PTPRN2: variants seen among roughly 807,000 people sequenced by gnomAD.
PTPRN2 encodes receptor-type tyrosine-protein phosphatase N2.
In PTPRN2, 74 loss-of-function variants were observed where a neutral mutation model predicts 118.8. The observed-to-expected ratio is 0.62, with a 90% CI of 0.52 to 0.76. The LOEUF is 0.76. Among genes scored for constraint, PTPRN2 ranks in the 30% least tolerant of loss-of-function variants. The probability of loss-of-function intolerance (pLI) is 0.00; values close to 1 mark genes in which losing one functional copy is unlikely to be tolerated. For missense variants in PTPRN2, 1,481 were observed against 1,394.4 expected, an observed-to-expected ratio of 1.06 and a Z score of -0.99; for synonymous variants, 641 against 608.0, an observed-to-expected ratio of 1.05 and a Z score of -0.80.
intron 2 of PTPRN2, among the ~76,000 whole-genome samples, chr7:158,362,776 G>A (rs914767185): frequency 1.3e-5 from 2 of 152,210 alleles, no homozygotes; most frequent in Non-Finnish European, 2.9e-5. Context: ...GGAGAAGGAA[G>A]GCAGGGGTCT....
At chr7:158,154,759 CATAAGT>C (rs55861045) in intron 6 of PTPRN2, among the ~76,000 whole-genome samples, 94,087 of 151,680 alleles carry the variant, frequency 0.62, 30,194 homozygotes, top group East Asian at 0.79. Flanking sequence ...TAAAAAAAAT[CATAAGT>C]ATATAAGAGA....
chr7:158,055,108 T>A (rs181458083), intron 11 of PTPRN2, among the ~76,000 whole-genome samples: 1 of 152,252 alleles, frequency 6.6e-6, no homozygotes, highest in Non-Finnish European at 1.5e-5. Flanking sequence ...TATGATTATA[T>A]ATGAATATCA....
chr7:157,810,461 C>A (rs569013821), intron 12 of PTPRN2, among the ~76,000 whole-genome samples: 1 of 141,602 alleles, frequency 7.1e-6, no homozygotes, highest in South Asian at 2.3e-4. Flanking sequence ...TGGGCACAGG[C>A]TCTCCACGGG....
rs945117839 is a variant in PTPRN2, at chr7:157,583,782, T to C, written c.2497-5642A>G. On this transcript the variant is annotated intron_variant, in intron 17 of 22. Transcript: ENST00000389418. This position sits in a 1 kb window ranked among gnomAD's most constrained non-coding sequence, Gnocchi z 5.5. ...CTGTAATCCCAGCTACTCAGGAGGC[T>C]GAGGCAGGAGAACTGCTTGTGCCTG... 2.6e-5 allele frequency among the ~76,000 whole-genome samples: 4 copies of C among 152,188 alleles called. No individual in the cohort carries two copies. The highest frequency in any genetic ancestry group is 9.6e-5 in the African/African-American group (4 of 41,512).
At chr7:157,621,251 C>CCCT in intron 15 of PTPRN2, 111 bp downstream of exon 15, 1 of 1,427,430 alleles carries the variant, frequency 7.0e-7, no homozygotes, top group Non-Finnish European at 9.4e-7. Context: ...CGGCCAGTTT[C>CCCT]CTCCGCCCGG....
At chr7:158,204,573 AG>A (rs1295032491) in intron 4 of PTPRN2, among the ~76,000 whole-genome samples, 4 of 152,168 alleles carry the variant, frequency 2.6e-5, no homozygotes, top group African/African-American at 7.2e-5. Flanking sequence ...ACAATGGCTC[AG>A]GAATCCGACA....
In PTPRN2 at chr7:158,205,196, G is replaced by A. The variant is rs775072499; in HGVS notation, c.355C>T (p.Arg119Cys). ...LADLPKTYLR[R>C]PEASSPARPS... is the part of the protein sequence containing the mutation. ...CTGGCTGGGCTGGATGCTTCAGGAC[G>A]CCTCAGGTAGGTTTTCGGGAGGTCT... Residue 119 changes from arginine (R) to cysteine (C), a missense_variant, in exon 4 of 23, where the codon CGT becomes TGT. Arg to Cys is a radical substitution (Grantham distance 180). Transcript: ENST00000389418. 7.4e-6 allele frequency: 12 copies of A among 1,614,086 alleles called. No homozygotes were observed. In the East Asian group the frequency reaches 8.9e-5, roughly 12 times the overall value.
chr7:158,533,607 G>A (rs1432083909), intron 1 of PTPRN2, among the ~76,000 whole-genome samples: 1 of 152,214 alleles, frequency 6.6e-6, no homozygotes, highest in Non-Finnish European at 1.5e-5. Flanking sequence ...ACGTCCCGCA[G>A]AGACCGTCCT....
chr7:157,670,331 G>A (rs1310008742), intron 13 of PTPRN2, among the ~76,000 whole-genome samples: 1 of 152,090 alleles, frequency 6.6e-6, no homozygotes, highest in Non-Finnish European at 1.5e-5. Flanking sequence ...CTTAGGGACT[G>A]CCTCTCCCCT....
At position 157,898,800 on chromosome 7, in the gene PTPRN2, T is replaced by G. The variant is rs1055959064; in HGVS notation, c.1724-63A>C. 2.1e-6 allele frequency: 3 copies of G among 1,399,340 alleles called. No individual in the cohort carries two copies. In the African/African-American group the frequency reaches 4.3e-5, roughly 20 times the overall value. 86.7% of individuals were successfully genotyped at this position (1,399,340 alleles called of 1,614,324 possible). A position where few individuals can be genotyped will look rare whatever the true frequency, so the allele number is the denominator to read the frequency against. ...GAGAGGTCCTCAGTCTCCGGGCACC[T>G]CTGAGTATTTTCCTCCATTGAAAAT... On this transcript the variant is annotated intron_variant, in intron 11 of 22. Coordinates refer to ENST00000389418, the MANE Select transcript of PTPRN2 (RefSeq NM_002847.5).
chr7:158,314,409 C>T (rs918975705), intron 3 of PTPRN2, among the ~76,000 whole-genome samples: 1 of 152,258 alleles, frequency 6.6e-6, no homozygotes, highest in Non-Finnish European at 1.5e-5. Context: ...CACAACCTTC[C>T]TTCAATATGG....
chr7:158,521,504 A>G (rs1412695984), intron 1 of PTPRN2, among the ~76,000 whole-genome samples: 1 of 152,240 alleles, frequency 6.6e-6, no homozygotes. Flanking sequence ...ATTTCTCAGG[A>G]GCAGCACGCT....
Position 158,247,493 on chromosome 7 carries a change from C to T in PTPRN2, c.278-42220G>A, listed in dbSNP as rs113922147. Among the ~76,000 whole-genome samples, 539 of 152,332 alleles carry T rather than the reference C, an allele frequency of 3.5e-3. 4 individuals are homozygous for T. Among genetic ancestry groups the T allele is most frequent in the African/African-American group, 0.012 (505 of 41,582 alleles). Reference sequence around the variant, plus strand: ...TGCTTCCCCACCACGCCCATGTCCACGGCTCGTGGGCAGCTGGGCACTGGG... The same window carrying T: ...TGCTTCCCCACCACGCCCATGTCCATGGCTCGTGGGCAGCTGGGCACTGGG... On this transcript the variant is annotated intron_variant, in intron 3 of 22. Coordinates refer to ENST00000389418, the MANE Select transcript of PTPRN2 (RefSeq NM_002847.5).
At chr7:157,675,618 G>T (rs548109470) in intron 13 of PTPRN2, among the ~76,000 whole-genome samples, 140 of 152,348 alleles carry the variant, frequency 9.2e-4, no homozygotes, top group African/African-American at 3.2e-3. Flanking sequence ...TCATGCCGAG[G>T]AGGAAGTGTG....
chr7:157,885,275 C>T (rs980172115), intron 12 of PTPRN2, among the ~76,000 whole-genome samples: 11 of 152,186 alleles, frequency 7.2e-5, no homozygotes, highest in South Asian at 2.1e-4. Flanking sequence ...TGTTCACTGT[C>T]TCGGGAGCAA....
intron 2 of PTPRN2, among the ~76,000 whole-genome samples, chr7:158,352,228 T>A (rs377624629): frequency 5.0e-3 from 4 of 808 alleles, no homozygotes; most frequent in African/African-American, 0.016. Flanking sequence ...TCCCCTCCTG[T>A]CCGCTCCCCT....
Position 157,596,202 on chromosome 7 carries a change from C to T in PTPRN2, c.2419-887G>A, listed in dbSNP as rs903620952. Among the ~76,000 whole-genome samples the T allele has an allele frequency of 1.3e-5, 2 of 152,224 alleles. No homozygotes were observed. The highest frequency in any genetic ancestry group is 2.9e-5 in the Non-Finnish European group (2 of 68,040). On this transcript the variant is annotated intron_variant, in intron 16 of 22. Coordinates refer to ENST00000389418, the MANE Select transcript of PTPRN2 (RefSeq NM_002847.5). The surrounding 1 kb of genome is among the most constrained non-coding windows in gnomAD (Gnocchi z 4.2). ...ACTAGCGCTACCTGCTGCTTCCCTG[C>T]TGGAGTTAACTCGTTGTGTGTGGGG...
chr7:157,578,013 C>A lies in PTPRN2; in HGVS notation c.2616+8G>T. On this transcript the variant is annotated splice_region_variant and intron_variant, in intron 18 of 22. Transcript: ENST00000389418. Reference sequence around the variant, plus strand: ...GGGTCCTGCCCTGGGTGGCTCTGGTCGGAGTACCTCATAGATGTGGTAGAG... The same window carrying A: ...GGGTCCTGCCCTGGGTGGCTCTGGTAGGAGTACCTCATAGATGTGGTAGAG... 6.2e-7 allele frequency: 1 copy of A among 1,602,998 alleles called. No individual in the cohort carries two copies. Among genetic ancestry groups the A allele is most frequent in the South Asian group, 1.1e-5 (1 of 90,254 alleles).
Position 157,634,918 on chromosome 7 carries a change from C to A in PTPRN2, c.2197-13409G>T, listed in dbSNP as rs2150678864. 1.3e-5 allele frequency among the ~76,000 whole-genome samples: 2 copies of A among 152,324 alleles called. 1 individual carries two copies. Among genetic ancestry groups the A allele is most frequent in the Middle Eastern group, 6.8e-3 (2 of 294 alleles). ...CCTTGGACACCGCGTGTGGGAGGAGCCCAGAACTTTCTAAAGAACCTAACA... is the reference window on the plus strand; with the variant it reads ...CCTTGGACACCGCGTGTGGGAGGAGACCAGAACTTTCTAAAGAACCTAACA... On this transcript the variant is annotated intron_variant, in intron 14 of 22. Coordinates refer to ENST00000389418, the MANE Select transcript of PTPRN2 (RefSeq NM_002847.5).
Sources: allele counts gnomAD v4.1 joint callset (sites outside exome capture counted in the v4.1 genomes callset), GRCh38; gene constraint gnomAD v4.1.1; non-coding constraint Gnocchi (gnomAD v3.1); transcripts MANE v1.5; gene names NCBI Gene and HGNC (gene_info 2026-07-23, HGNC 2026-07-21).